NXF1: variants seen among roughly 807,000 people sequenced by gnomAD.
The protein encoded by NXF1 is mRNA export factor TAP.
NXF1 carries 43 observed loss-of-function variants against 92.4 expected under a neutral mutation model. The ratio of observed to expected loss-of-function variants is 0.47; its 90% CI spans 0.36 to 0.60. The LOEUF is 0.60. Ranked by LOEUF, NXF1 falls within the 20% of genes least tolerant of loss-of-function variation. NXF1 has a pLI of 0.00. For synonymous variants in NXF1, 288 were observed against 292.2 expected (o/e 0.99, Z 0.15); for missense variants, 576 against 793.0 (o/e 0.73, Z 3.29).
Position 62,805,427 on chromosome 11 carries a change from C to T in NXF1, c.-71G>A. Reference sequence around the variant, plus strand: ...CGGCAAACAACCTAACTCCCAAGCGCTCAGGACCGAAGTGTCCCTACGCCG... The same window carrying T: ...CGGCAAACAACCTAACTCCCAAGCGTTCAGGACCGAAGTGTCCCTACGCCG... On this transcript the variant is annotated 5_prime_UTR_variant, in exon 1 of 21. Coordinates refer to ENST00000294172, the MANE Select transcript of NXF1 (RefSeq NM_006362.5). 6.2e-7 allele frequency: 1 copy of T among 1,602,494 alleles called. No homozygotes were observed. The highest frequency in any genetic ancestry group is 1.7e-4 in the Middle Eastern group (1 of 6,036).
At chr11:62,793,930 G>A (rs2084393930) in intron 19 of NXF1, among the ~76,000 whole-genome samples, 1 of 149,954 alleles carries the variant, frequency 6.7e-6, no homozygotes, top group Non-Finnish European at 1.5e-5. Context: ...GAACCCGGGA[G>A]GCAGAGGTTA....
Position 62,794,324 on chromosome 11 carries a change from G to A in NXF1, c.1694C>T (p.Pro565Leu). The A allele has an allele frequency of 1.2e-6, 2 of 1,614,194 alleles. No homozygotes were observed. The highest frequency in any genetic ancestry group is 1.7e-6 in the Non-Finnish European group (2 of 1,180,030). The change falls in exon 19 of 21, where the codon CCA becomes CTA. Residue 565 changes from proline (P) to leucine (L), a missense_variant. Pro to Leu is a moderately conservative substitution (Grantham distance 98, BLOSUM62 -3). Transcript: ENST00000294172. ...TGCTTGCAACATTTCCTGCTGCTCTGGAGAGAGGGTGGGCACCGGGCTGGA... is the reference window on the plus strand; with the variant it reads ...TGCTTGCAACATTTCCTGCTGCTCTAGAGAGAGGGTGGGCACCGGGCTGGA... ...PSSSPVPTLS[P>L]EQQEMLQAFS...
intron 10 of NXF1, chr11:62,799,823 C>A (rs992959220): frequency 1.3e-4 from 131 of 986,046 alleles, no homozygotes; most frequent in Non-Finnish European, 1.4e-4. Context: ...AGACAGATTG[C>A]ATGCCACCAG....
chr11:62,802,127 C>T lies in NXF1; in HGVS notation c.453+50G>A, dbSNP rs755073225. The stretch of plus-strand genomic sequence containing the variant: ...ATTACGCTGGGAGTCCAGCTTGCCC[C>T]TTCACCATCCCTGGTGCCTGGCCAG... On this transcript the variant is annotated intron_variant, in intron 4 of 20. Coordinates refer to ENST00000294172, the MANE Select transcript of NXF1 (RefSeq NM_006362.5). 1.9e-6 allele frequency: 3 copies of T among 1,609,290 alleles called. No homozygotes were observed. The African/African-American group carries it at 4.0e-5, about 22-fold the overall frequency.
chr11:62,801,756 G>C lies in NXF1; in HGVS notation c.622C>G (p.Gln208Glu), dbSNP rs1228166632. Residue 208 changes from glutamine to glutamate, a missense_variant, in exon 6 of 21, where the codon CAA becomes GAA. Transcript: ENST00000294172. ...HTILNELKPE[Q>E]VEQLKLIMSK... ...TGCCTCACCTTTAGCTGTTCTACTT[G>C]TTCTGGCTTCAGTTCATTCAGTATA... The C allele has an allele frequency of 1.9e-6, 3 of 1,613,880 alleles. No individual in the cohort carries two copies. Among genetic ancestry groups the C allele is most frequent in the African/African-American group, 1.3e-5 (1 of 75,022 alleles).
chr11:62,792,486 A>G lies in NXF1; in HGVS notation c.1850T>C (p.Phe617Ser), dbSNP rs2084375109. Reference protein sequence around the residue: ...KAKGEIPEVAFMK With the variant: ...KAKGEIPEVASMK ...GAGGCATGACTACGATCACTTCATG[A>G]ATGCCACTTCTGGGATCTCGCCCTT... is the stretch of plus-strand genomic sequence containing the variant. The change falls in exon 21 of 21, where the codon TTC becomes TCC. Residue 617 changes from phenylalanine (F) to serine (S), a missense_variant. Physicochemically the swap from Phe to Ser is radical, Grantham distance 155. This residue lies in a region of NXF1 where 425 missense variants were observed against 635.2 expected (regional missense o/e 0.67). Coordinates refer to ENST00000294172, the MANE Select transcript of NXF1 (RefSeq NM_006362.5). 1.2e-6 allele frequency: 2 copies of G among 1,614,104 alleles called. No individual in the cohort carries two copies. The highest frequency in any genetic ancestry group is 1.7e-6 in the Non-Finnish European group (2 of 1,180,056).
Position 62,805,392 on chromosome 11 carries a change from G to A in NXF1, c.-36C>T. ...AGATCAAGGGCGGGCTCAGGCGCTG[G>A]CCGCTACGCCGGCAAACAACCTAAC... is the stretch of plus-strand genomic sequence containing the variant. On this transcript the variant is annotated 5_prime_UTR_variant, in exon 1 of 21. Coordinates refer to ENST00000294172, the MANE Select transcript of NXF1 (RefSeq NM_006362.5). The A allele has an allele frequency of 6.2e-7, 1 of 1,609,786 alleles. No homozygotes were observed. The highest frequency in any genetic ancestry group is 8.5e-7 in the Non-Finnish European group (1 of 1,178,220).
At chr11:62,794,681 G>A (rs1352248831) in intron 18 of NXF1, 5 of 584,086 alleles carry the variant, frequency 8.6e-6, no homozygotes, top group African/African-American at 7.4e-5. Context: ...AACAAACTTA[G>A]GAAATGAATA....
At chr11:62,793,097 T>G (rs1446129817) in intron 19 of NXF1, among the ~76,000 whole-genome samples, 7 of 148,576 alleles carry the variant, frequency 4.7e-5, no homozygotes, top group Non-Finnish European at 1.0e-4. Context: ...TTTTTTTTTT[T>G]GAGACCGAGT....
At position 62,801,541 on chromosome 11, in the gene NXF1, AACT is replaced by A. The variant is rs2084478642; in HGVS notation, c.709+18_709+20del. On this transcript the variant is annotated intron_variant, in intron 7 of 20. Transcript: ENST00000294172. The stretch of plus-strand genomic sequence containing the variant: ...CCCACCTTATCACCACCTATCTGAG[AACT>A]ACTGCTGTCAACCATACCTGGGTCT... The A allele has an allele frequency of 1.2e-6, 2 of 1,613,518 alleles. No homozygotes were observed. Among genetic ancestry groups the A allele is most frequent in the Non-Finnish European group, 1.7e-6 (2 of 1,179,520 alleles).
In NXF1 at chr11:62,800,540, G is replaced by A; in HGVS notation, c.907-54C>T. The stretch of plus-strand genomic sequence containing the variant: ...GAGACCCTGGTGAAGACAGCCAGCT[G>A]GCTCCCCATACCCCCAGTCCCTACG... On this transcript the variant is annotated intron_variant, in intron 9 of 20. Transcript: ENST00000294172. 4.8e-6 allele frequency: 6 copies of A among 1,247,630 alleles called. No homozygotes were observed. The South Asian group carries it at 5.1e-5, about 11-fold the overall frequency. 77.3% of individuals were successfully genotyped at this position (1,247,630 alleles called of 1,614,324 possible). A position where few individuals can be genotyped will look rare whatever the true frequency, so the allele number is the denominator to read the frequency against.
At chr11:62,797,296 T>C in intron 12 of NXF1, 22 bp downstream of exon 12, 1 of 1,614,178 alleles carries the variant, frequency 6.2e-7, no homozygotes, top group African/African-American at 1.3e-5. Flanking sequence ...ACACAAGTTC[T>C]TACTCTGTCC....
In NXF1 at chr11:62,801,206, G is replaced by A. The variant is rs1162406835; in HGVS notation, c.799-5C>T. The A allele has an allele frequency of 1.2e-6, 2 of 1,613,574 alleles. No individual in the cohort carries two copies. The highest frequency in any genetic ancestry group is 1.3e-5 in the African/African-American group (1 of 75,020). On this transcript the variant is annotated splice_region_variant and splice_polypyrimidine_tract_variant and intron_variant, in intron 8 of 20. Transcript: ENST00000294172. ...GCTCAAGTTCAAGGACAATAGCTGT[G>A]AGGAGAGAAGAGTTTAGAGGAGGCA...
chr11:62,800,043 T>C (rs1282387997), intron 10 of NXF1: 48 of 1,115,788 alleles, frequency 4.3e-5, no homozygotes, highest in South Asian at 8.7e-5. Flanking sequence ...CTATAGGGTA[T>C]GTACAAGATA....
chr11:62,793,811 G>A (rs1416911506), intron 19 of NXF1, among the ~76,000 whole-genome samples: 13 of 120,848 alleles, frequency 1.1e-4, no homozygotes, highest in Non-Finnish European at 2.0e-4. Flanking sequence ...ATGAAAGCCC[G>A]TCTCTACTAA....
rs1331493243 is a variant in NXF1, at chr11:62,792,181, C to CTCTT, written c.*291_*294dup. On this transcript the variant is annotated 3_prime_UTR_variant, in exon 21 of 21. Transcript: ENST00000294172. Reference sequence around the variant, plus strand: ...GTGCAGAACACGAAATACAACATCACTCTTTATATTAAAAAGTAAGGAGGT... The same window carrying CTCTT: ...GTGCAGAACACGAAATACAACATCACTCTTTCTTTATATTAAAAAGTAAGGAGGT... 3 of 642,484 alleles carry CTCTT rather than the reference C, an allele frequency of 4.7e-6. No individual in the cohort carries two copies. Among genetic ancestry groups the CTCTT allele is most frequent in the African/African-American group, 1.8e-5 (1 of 54,656 alleles). The allele number at this position is 642,484 out of a possible 1,614,324, so 39.8% of individuals were successfully genotyped here. A position where few individuals can be genotyped will look rare whatever the true frequency, so the allele number is the denominator to read the frequency against.
rs777758009 is a variant in NXF1, at chr11:62,797,366, T to C, written c.1074A>G (p.Pro358=). 2 of 1,613,454 alleles carry C rather than the reference T, an allele frequency of 1.2e-6. No individual in the cohort carries two copies. Among genetic ancestry groups the C allele is most frequent in the Non-Finnish European group, 8.5e-7 (1 of 1,179,922 alleles). ...GGGCTTCAACATCAAAGGCAATTGG[T>C]GGGGGTAGCTCATGGCCATCCTGTG... ...LLRLDGHELP[P]PIAFDVEAPT... The change falls in exon 12 of 21, where the codon CCA becomes CCG. Residue 358 remains proline (P), a synonymous_variant. Transcript: ENST00000294172.
intron 11 of NXF1, among the ~76,000 whole-genome samples, chr11:62,798,055 C>G (rs927571184): frequency 8.0e-5 from 12 of 150,704 alleles, no homozygotes; most frequent in Non-Finnish European, 1.5e-4. Flanking sequence ...ATCACTTGAA[C>G]CCAGGAGGCA....
intron 11 of NXF1, 58 bp downstream of exon 11, chr11:62,798,481 G>T: frequency 1.3e-6 from 2 of 1,587,006 alleles, no homozygotes; most frequent in Non-Finnish European, 1.7e-6. Flanking sequence ...AACCTATCCA[G>T]GAATCCTTGT....
Sources: allele counts gnomAD v4.1 joint callset (sites outside exome capture counted in the v4.1 genomes callset), GRCh38; gene constraint gnomAD v4.1.1; regional missense constraint gnomAD v4.1.1; transcripts MANE v1.5; gene names NCBI Gene and HGNC (gene_info 2026-07-23, HGNC 2026-07-21).